The following MTBP variants were observed in gnomAD, a reference collection of about 807,000 sequenced individuals.
The protein encoded by MTBP is mdm2-binding protein.
Under a neutral mutation model 117.0 loss-of-function variants are expected in MTBP, and 101 were observed. That is an observed-to-expected ratio of 0.86 (90% CI 0.73 to 1.02). The LOEUF is 1.02. Among genes scored for constraint, MTBP ranks in the 50% least tolerant of loss-of-function variants. The pLI is 0.00. For synonymous variants in MTBP, 350 were observed against 351.5 expected (o/e 1.00, Z 0.05); for missense variants, 970 against 1,030.9 (o/e 0.94, Z 0.81).
chr8:120,519,827 A>C (rs954830135), intron 20 of MTBP, among the ~76,000 whole-genome samples: 1 of 152,122 alleles, frequency 6.6e-6, no homozygotes, highest in Non-Finnish European at 1.5e-5. Context: ...AAGTTTAAAT[A>C]AAGATCTACA....
In MTBP at chr8:120,456,623, G is replaced by T; in HGVS notation, c.700G>T (p.Asp234Tyr). The T allele has an allele frequency of 6.2e-7, 1 of 1,601,318 alleles. No homozygotes were observed. The highest frequency in any genetic ancestry group is 1.1e-5 in the South Asian group (1 of 89,508). Residue 234 changes from aspartate to tyrosine, a missense_variant, in exon 7 of 22, where the codon GAC becomes TAC. Physicochemically the swap from Asp to Tyr is radical, Grantham distance 160 (BLOSUM62 -3). Transcript: ENST00000305949. ...VSLEDLRNVI[D>Y]SKELWRGKIQ... The stretch of plus-strand genomic sequence containing the variant: ...TTTAGAAGATCTCAGAAATGTTATT[G>T]ACTCAAAGGAATTATGGAGGGGGAA...
intron 13 of MTBP, among the ~76,000 whole-genome samples, chr8:120,493,579 C>T (rs1814392816): frequency 6.6e-6 from 1 of 151,954 alleles, no homozygotes; most frequent in Non-Finnish European, 1.5e-5. Context: ...CAACTTCCAC[C>T]TCCCAAGTTC....
rs1195697226 is a variant in MTBP at position 120,506,797 on chromosome 8, C to T, written c.1819C>T (p.Leu607=). Residue 607 remains leucine, a synonymous_variant, in exon 16 of 22, where the codon CTG becomes TTG. Coordinates refer to ENST00000305949, the MANE Select transcript of MTBP (RefSeq NM_022045.5). ...SITLLDAKEL[L]KYFTSDGLPI... ...CACATTGTTGGATGCTAAAGAATTG[C>T]TGAAGTACTTTACCTCAGATGGATT... is the stretch of plus-strand genomic sequence containing the variant. 1 of 1,613,608 alleles carries T rather than the reference C, an allele frequency of 6.2e-7. No individual in the cohort carries two copies. The highest frequency in any genetic ancestry group is 2.2e-5 in the East Asian group (1 of 44,862).
chr8:120,467,621 ACT>A (rs947765244), intron 10 of MTBP, among the ~76,000 whole-genome samples: 1 of 152,028 alleles, frequency 6.6e-6, no homozygotes, highest in Non-Finnish European at 1.5e-5. Context: ...AGATTTTGAA[ACT>A]CAGATTTGAA....
chr8:120,460,258 A>G (rs1813555631), intron 8 of MTBP, among the ~76,000 whole-genome samples: 1 of 152,114 alleles, frequency 6.6e-6, no homozygotes, highest in Non-Finnish European at 1.5e-5. Context: ...CATGACCTCA[A>G]CTTTTCTTCA....
chr8:120,459,406 A>G, intron 8 of MTBP, 57 bp downstream of exon 8: 1 of 1,508,832 alleles, frequency 6.6e-7, no homozygotes, highest in African/African-American at 1.4e-5. Flanking sequence ...TTCCTATAAA[A>G]TATGTTTGAA....
intron 1 of MTBP, among the ~76,000 whole-genome samples, chr8:120,446,164 T>A (rs1813222946): frequency 1.3e-5 from 2 of 152,348 alleles, no homozygotes; most frequent in South Asian, 4.1e-4. Context: ...TATAAGGTAT[T>A]GTCACAGAAT....
intron 9 of MTBP, among the ~76,000 whole-genome samples, chr8:120,462,029 A>G (rs1235334092): frequency 2.0e-5 from 3 of 152,194 alleles, no homozygotes; most frequent in Non-Finnish European, 4.4e-5. Flanking sequence ...GTCTAGAATC[A>G]TTAAAGAGTA....
intron 11 of MTBP, among the ~76,000 whole-genome samples, chr8:120,483,570 GAAC>G (rs1396046407): frequency 2.6e-5 from 4 of 152,060 alleles, no homozygotes; most frequent in African/African-American, 9.6e-5. Context: ...AAGGTTTTAA[GAAC>G]AACTAAGAAA....
intron 14 of MTBP, among the ~76,000 whole-genome samples, chr8:120,501,130 G>T (rs1814576384): frequency 7.0e-6 from 1 of 142,552 alleles, no homozygotes; most frequent in South Asian, 2.2e-4. Context: ...GGCGGAGCTT[G>T]CAGTGAGCCG....
intron 4 of MTBP, 194 bp downstream of exon 4, chr8:120,451,516 A>C: frequency 2.0e-6 from 1 of 492,560 alleles, no homozygotes. Context: ...AGCTTACATA[A>C]TGTCAAGAAT....
At chr8:120,516,292 A>G in intron 18 of MTBP, 101 bp downstream of exon 18, 1 of 1,077,060 alleles carries the variant, frequency 9.3e-7, no homozygotes, top group South Asian at 1.9e-5. Context: ...TAATTTCTTC[A>G]TGGCAAGAAG....
At chr8:120,480,884 A>G (rs1166481237) in intron 11 of MTBP, among the ~76,000 whole-genome samples, 2 of 152,200 alleles carry the variant, frequency 1.3e-5, no homozygotes, top group Non-Finnish European at 1.5e-5. Flanking sequence ...TTTTTGATAA[A>G]CACTATTAAG....
chr8:120,492,872 C>A (rs181076205), intron 13 of MTBP, among the ~76,000 whole-genome samples: 2 of 151,882 alleles, frequency 1.3e-5, no homozygotes, highest in South Asian at 4.2e-4. Flanking sequence ...TTATATTTTA[C>A]CAAATTTGTT....
intron 2 of MTBP, among the ~76,000 whole-genome samples, chr8:120,447,583 T>C (rs4469499): frequency 0.06 from 9,146 of 152,190 alleles, 564 homozygotes; most frequent in African/African-American, 0.16. Context: ...TCTTTATAAT[T>C]GATTGTGCAA....
intron 7 of MTBP, 90 bp from the exon 8 acceptor site, chr8:120,459,125 C>T (rs1813532194): frequency 1.8e-6 from 2 of 1,115,468 alleles, no homozygotes; most frequent in Non-Finnish European, 1.3e-6. Context: ...ACATGGATTT[C>T]CCCTCAACTT....
At chr8:120,501,436 C>A (rs1355509256) in intron 14 of MTBP, among the ~76,000 whole-genome samples, 2 of 151,012 alleles carry the variant, frequency 1.3e-5, no homozygotes, top group African/African-American at 4.9e-5. Context: ...GTAATCCCAG[C>A]TACTTGGGAG....
At chr8:120,468,039 C>A (rs1563789745) in intron 10 of MTBP, among the ~76,000 whole-genome samples, 1 of 151,402 alleles carries the variant, frequency 6.6e-6, no homozygotes, top group Admixed American at 6.6e-5. Context: ...ACCGTACAGT[C>A]TGGTCACATT....
At chr8:120,448,432 C>G (rs192428689) in intron 2 of MTBP, among the ~76,000 whole-genome samples, 59 of 152,262 alleles carry the variant, frequency 3.9e-4, no homozygotes, top group Non-Finnish European at 6.3e-4. Context: ...CTTTATCTCT[C>G]TCTTTTTAAA....
Sources: allele counts gnomAD v4.1 joint callset (sites outside exome capture counted in the v4.1 genomes callset), GRCh38; gene constraint gnomAD v4.1.1; transcripts MANE v1.5; gene names NCBI Gene and HGNC (gene_info 2026-07-23, HGNC 2026-07-21).